PLEKHO2: variants seen among roughly 807,000 people sequenced by gnomAD.
PLEKHO2 encodes the protein pleckstrin homology domain containing O2.
A neutral mutation model predicts 32.7 loss-of-function variants in PLEKHO2; 20 were observed. The ratio of observed to expected loss-of-function variants is 0.61; its 90% CI spans 0.43 to 0.89. The LOEUF (loss-of-function observed/expected upper bound fraction) is 0.89. Among genes scored for constraint, PLEKHO2 ranks in the 40% least tolerant of loss-of-function variants. The pLI is 0.00. For synonymous variants in PLEKHO2, 247 were observed against 246.3 expected, an observed-to-expected ratio of 1.00 and a Z score of -0.03; for missense variants, 568 against 621.2, an observed-to-expected ratio of 0.91 and a Z score of 0.91.
chr15:64,864,402 T>C (rs1217942773), intron 5 of PLEKHO2, among the ~76,000 whole-genome samples: 2 of 151,950 alleles, frequency 1.3e-5, no homozygotes, highest in African/African-American at 2.4e-5. Flanking sequence ...CAGAAGTCAG[T>C]GAGCTTGAGA....
Position 64,865,586 on chromosome 15 carries a change from C to T in PLEKHO2, c.1171C>T (p.Leu391Phe), listed in dbSNP as rs745703870. ...TCAGTTCCATCCCCGCTGCTCCTCC[C>T]TTGGGGACTTGCTTGGGGAAGGCCC... Reference protein sequence around the residue: ...PPQFHPRCSSLGDLLGEGPRH... With the variant: ...PPQFHPRCSSFGDLLGEGPRH... The change falls in exon 6 of 6, where the codon CTT (leucine) becomes TTT (phenylalanine). Residue 391 changes from leucine (L) to phenylalanine (F), a missense_variant. By Grantham distance (22) the Leu-to-Phe change is conservative. Coordinates refer to ENST00000323544, the MANE Select transcript of PLEKHO2 (RefSeq NM_025201.5). The T allele has an allele frequency of 6.2e-7, 1 of 1,614,238 alleles. No individual in the cohort carries two copies. The highest frequency in any genetic ancestry group is 1.7e-5 in the Admixed American group (1 of 60,034).
intron 1 of PLEKHO2, among the ~76,000 whole-genome samples, chr15:64,843,682 G>A (rs1310817426): frequency 6.6e-6 from 1 of 151,676 alleles, no homozygotes; most frequent in African/African-American, 2.4e-5. Flanking sequence ...CTGGGTTCAA[G>A]CAATTCTCCT....
In PLEKHO2 at chr15:64,865,035, C is replaced by A; in HGVS notation, c.620C>A (p.Thr207Asn). 6.2e-7 allele frequency: 1 copy of A among 1,614,128 alleles called. No individual in the cohort carries two copies. The highest frequency in any genetic ancestry group is 2.2e-5 in the East Asian group (1 of 44,874). Residue 207 changes from threonine to asparagine, a missense_variant, in exon 6 of 6, where the codon ACC (threonine) becomes AAC (asparagine). Physicochemically the swap from Thr to Asn is moderately conservative, Grantham distance 65. Coordinates refer to ENST00000323544, the MANE Select transcript of PLEKHO2 (RefSeq NM_025201.5). Reference protein sequence around the residue: ...RETPRPLMPPTKPFLAPETTS... With the variant: ...RETPRPLMPPNKPFLAPETTS... ...ACACCCCGGCCCCTCATGCCTCCTA[C>A]CAAGCCTTTCCTAGCACCTGAGACC...
At chr15:64,859,658 G>T (rs980113016) in intron 3 of PLEKHO2, among the ~76,000 whole-genome samples, 1 of 152,198 alleles carries the variant, frequency 6.6e-6, no homozygotes. Context: ...GACCAGATCC[G>T]GGCTCTTTCC....
At chr15:64,852,723 C>T (rs1181914281) in intron 2 of PLEKHO2, among the ~76,000 whole-genome samples, 3 of 151,800 alleles carry the variant, frequency 2.0e-5, no homozygotes, top group Admixed American at 6.6e-5. Context: ...TGGGTTCAAG[C>T]GATTCTTCTG....
intron 1 of PLEKHO2, among the ~76,000 whole-genome samples, chr15:64,843,668 C>T (rs1379013698): frequency 6.6e-6 from 1 of 151,766 alleles, no homozygotes; most frequent in Non-Finnish European, 1.5e-5. Context: ...GCAACCGCCA[C>T]CTCCTGGGTT....
intron 1 of PLEKHO2, among the ~76,000 whole-genome samples, chr15:64,847,623 C>T (rs1401711300): frequency 6.6e-6 from 1 of 152,162 alleles, no homozygotes; most frequent in Non-Finnish European, 1.5e-5. Flanking sequence ...GTATCTGGCA[C>T]CCAGCCACCC....
chr15:64,861,560 A>T lies in PLEKHO2; in HGVS notation c.468A>T (p.Arg156Ser), dbSNP rs1451144242. The T allele has an allele frequency of 6.2e-7, 1 of 1,604,224 alleles. No individual in the cohort carries two copies. The highest frequency in any genetic ancestry group is 8.5e-7 in the Non-Finnish European group (1 of 1,176,364). The change falls in exon 5 of 6, where the codon AGA becomes AGT. Residue 156 changes from arginine to serine, a missense_variant. Physicochemically the swap from Arg to Ser is moderately radical, Grantham distance 110. Transcript: ENST00000323544. The stretch of plus-strand genomic sequence containing the variant: ...GCCAGCGACGCCGGCCACCAACGAG[A>T]GTCCACCTGAAGGAGGTAGGGCCTT... Reference protein sequence around the residue: ...RGGQRRRPPTRVHLKEVASAA... With the variant: ...RGGQRRRPPTSVHLKEVASAA...
rs1333959984 is a variant in PLEKHO2 at position 64,865,650 on chromosome 15, C to T, written c.1235C>T (p.Ala412Val). 1 of 1,614,220 alleles carries T rather than the reference C, an allele frequency of 6.2e-7. No individual in the cohort carries two copies. The highest frequency in any genetic ancestry group is 1.1e-5 in the South Asian group (1 of 91,090). Residue 412 changes from alanine (A) to valine (V), a missense_variant, in exon 6 of 6, where the codon GCC becomes GTC. Transcript: ENST00000323544. ...PLQPRERLYR[A>V]QLEVKVASEQ... ...CAGCCCAGGGAACGGCTATATCGGG[C>T]CCAGCTGGAGGTGAAGGTGGCCTCG...
At chr15:64,850,021 G>C (rs1374252139) in intron 2 of PLEKHO2, among the ~76,000 whole-genome samples, 1 of 151,784 alleles carries the variant, frequency 6.6e-6, no homozygotes, top group South Asian at 2.1e-4. Context: ...TTAGCCGGGT[G>C]TAGTGGTGCA....
chr15:64,859,452 A>G lies in PLEKHO2; in HGVS notation c.280-442A>G, dbSNP rs779705154. On this transcript the variant is annotated intron_variant, in intron 3 of 5. Coordinates refer to ENST00000323544, the MANE Select transcript of PLEKHO2 (RefSeq NM_025201.5). The stretch of plus-strand genomic sequence containing the variant: ...CCTTCCTCTTATTTCCTGTCTGGCC[A>G]TTGGGCCTGGCAGGGTCAGGGTTCT... 7.4e-4 allele frequency among the ~76,000 whole-genome samples: 113 copies of G among 152,024 alleles called. 1 individual carries two copies. The highest frequency in any genetic ancestry group is 1.3e-3 in the Non-Finnish European group (90 of 68,014).
At chr15:64,853,040 G>T (rs2084579874) in intron 2 of PLEKHO2, among the ~76,000 whole-genome samples, 1 of 150,912 alleles carries the variant, frequency 6.6e-6, no homozygotes, top group African/African-American at 2.4e-5. Flanking sequence ...TCGGGGGGCT[G>T]AGGCCGGAGA....
intron 5 of PLEKHO2, among the ~76,000 whole-genome samples, chr15:64,863,519 T>TGTGTG (rs2084658078): frequency 6.9e-6 from 1 of 145,066 alleles, no homozygotes; most frequent in Non-Finnish European, 1.5e-5. Context: ...GTGTGTGTGT[T>TGTGTG]TGTGTGTGTG....
chr15:64,842,061 G>T, intron 1 of PLEKHO2, 33 bp downstream of exon 1: 1 of 1,235,140 alleles, frequency 8.1e-7, no homozygotes, highest in Non-Finnish European at 1.0e-6. Context: ...CGTTGGGCTG[G>T]GGTCCTCGAG....
At chr15:64,846,560 C>T (rs887942033) in intron 1 of PLEKHO2, among the ~76,000 whole-genome samples, 1 of 152,152 alleles carries the variant, frequency 6.6e-6, no homozygotes, top group African/African-American at 2.4e-5. Flanking sequence ...ATGATCTGCC[C>T]ATCTCGGCCC....
chr15:64,850,351 A>G (rs912734905), intron 2 of PLEKHO2, among the ~76,000 whole-genome samples: 2 of 152,210 alleles, frequency 1.3e-5, no homozygotes, highest in African/African-American at 4.8e-5. Context: ...AGTTAGGTCT[A>G]GAAGCAAGTC....
chr15:64,866,163 T>C lies in PLEKHO2; in HGVS notation c.*275T>C, dbSNP rs2084685315. 2 of 549,044 alleles carry C rather than the reference T, an allele frequency of 3.6e-6. No homozygotes were observed. Among genetic ancestry groups the C allele is most frequent in the South Asian group, 3.9e-5 (2 of 51,076 alleles). The allele number at this position is 549,044 out of a possible 1,614,324, so 34.0% of individuals were successfully genotyped here. A position where few individuals can be genotyped will look rare whatever the true frequency, so the allele number is the denominator to read the frequency against. On this transcript the variant is annotated 3_prime_UTR_variant, in exon 6 of 6. Coordinates refer to ENST00000323544, the MANE Select transcript of PLEKHO2 (RefSeq NM_025201.5). ...GGGAGCACACACGCTGGGACCTATG[T>C]GTTTGTGTGGTCGTTCCAAACTGCC...
chr15:64,856,259 G>A (rs983891941), intron 3 of PLEKHO2, among the ~76,000 whole-genome samples: 11 of 152,164 alleles, frequency 7.2e-5, no homozygotes, highest in African/African-American at 2.7e-4. Context: ...ATATGTGGAT[G>A]TGTGTTTGAG....
At chr15:64,857,255 G>C (rs894933241) in intron 3 of PLEKHO2, among the ~76,000 whole-genome samples, 1 of 152,172 alleles carries the variant, frequency 6.6e-6, no homozygotes, top group Non-Finnish European at 1.5e-5. Context: ...TATGTCCCTG[G>C]GGCTTCTTGG....
Sources: gnomAD v4.1 joint callset for allele counts (sites outside exome capture counted in the v4.1 genomes callset) on GRCh38, gnomAD v4.1.1 for gene constraint, MANE v1.5 for transcripts, NCBI Gene and HGNC (gene_info 2026-07-23, HGNC 2026-07-21) for gene names.